The following LAD1 variants were observed in gnomAD, a reference collection of about 807,000 sequenced individuals.
LAD1 encodes the protein ladinin-1.
LAD1 carries 53 observed loss-of-function variants against 54.2 expected under a neutral mutation model. The observed-to-expected ratio is 0.98, with a 90% CI of 0.78 to 1.23. The LOEUF is 1.23. Ranked by LOEUF, LAD1 falls within the 50% of genes most tolerant of loss-of-function variation. LAD1 has a pLI of 0.00. For missense variants in LAD1, 637 were observed against 653.3 expected (o/e 0.98, Z 0.27); for synonymous variants, 231 against 257.7 (o/e 0.90, Z 0.99).
Position 201,381,755 on chromosome 1 carries a change from TG to T in LAD1, c.*132del. ...CAAATATTCCTGACCCCAGGGACCCTGGCCAAACAGATCCACAGGCAAAAAG... is the reference window on the plus strand; with the variant it reads ...CAAATATTCCTGACCCCAGGGACCCTGCCAAACAGATCCACAGGCAAAAAG... On this transcript the variant is annotated 3_prime_UTR_variant, in exon 10 of 10. Coordinates refer to ENST00000391967, the MANE Select transcript of LAD1 (RefSeq NM_005558.4). 1 of 1,034,510 alleles carries T rather than the reference TG, an allele frequency of 9.7e-7. No homozygotes were observed. Among genetic ancestry groups the T allele is most frequent in the Non-Finnish European group, 1.5e-6 (1 of 656,518 alleles). The allele number at this position is 1,034,510 out of a possible 1,614,324, so 64.1% of individuals were successfully genotyped here.
rs12088790 is a variant in LAD1, at chr1:201,386,633, A to G, written c.728T>C (p.Leu243Pro). 0.042 allele frequency: 67,828 copies of G among 1,614,078 alleles called. 4,935 individuals carry two copies. Among genetic ancestry groups the G allele is most frequent in the African/African-American group, 0.33 (24,771 of 74,952 alleles). The change falls in exon 3 of 10, where the codon CTG (leucine) becomes CCG (proline). Residue 243 changes from leucine to proline, a missense_variant. Transcript: ENST00000391967. ...TGAGCCCAGTGCCATCCCTGGGGCC[A>G]GCGACTTCTCAGAGACACTGGTTTT... The part of the protein sequence containing the change: ...LEKTSVSEKS[L>P]APGMALGSGR...
chr1:201,384,942 C>A lies in LAD1; in HGVS notation c.1132-107G>T, dbSNP rs903684812. On this transcript the variant is annotated intron_variant, in intron 4 of 9. Coordinates refer to ENST00000391967, the MANE Select transcript of LAD1 (RefSeq NM_005558.4). ...AGACATGTCCTCCTCCTCTTCAGAC[C>A]TCCCACCCCTTCTACCAGGGGTCAA... 1.8e-5 allele frequency: 18 copies of A among 1,001,214 alleles called. No individual in the cohort carries two copies. In the African/African-American group the frequency reaches 2.8e-4, roughly 15 times the overall value. The allele number at this position is 1,001,214 out of a possible 1,614,324, so 62.0% of individuals were successfully genotyped here.
chr1:201,394,886 C>T (rs1170155793), intron 1 of LAD1, among the ~76,000 whole-genome samples: 1 of 152,208 alleles, frequency 6.6e-6, no homozygotes, highest in African/African-American at 2.4e-5. Flanking sequence ...TCCAGGGTTC[C>T]TGGGTCTTGA....
intron 1 of LAD1, among the ~76,000 whole-genome samples, chr1:201,390,268 G>C (rs542869884): frequency 6.6e-6 from 1 of 151,544 alleles, no homozygotes; most frequent in East Asian, 2.0e-4. Flanking sequence ...ATTTTAGGCC[G>C]GGCGCGGTGG....
rs1661965404 is a variant in LAD1 at position 201,381,768 on chromosome 1, C to T, written c.*120G>A. 8.6e-7 allele frequency: 1 copy of T among 1,162,204 alleles called. No homozygotes were observed. Among genetic ancestry groups the T allele is most frequent in the Non-Finnish European group, 1.3e-6 (1 of 769,592 alleles). 72.0% of individuals were successfully genotyped at this position (1,162,204 alleles called of 1,614,324 possible). A position where few individuals can be genotyped will look rare whatever the true frequency, so the allele number is the denominator to read the frequency against. ...CCCCAGGGACCCTGGCCAAACAGATCCACAGGCAAAAAGGGAACAGGGACA... is the reference window on the plus strand; with the variant it reads ...CCCCAGGGACCCTGGCCAAACAGATTCACAGGCAAAAAGGGAACAGGGACA... On this transcript the variant is annotated 3_prime_UTR_variant, in exon 10 of 10. Transcript: ENST00000391967.
intron 1 of LAD1, among the ~76,000 whole-genome samples, chr1:201,396,748 G>C (rs1262489334): frequency 6.6e-6 from 1 of 152,164 alleles, no homozygotes; most frequent in Non-Finnish European, 1.5e-5. Context: ...TCCTGCACCT[G>C]AGCAGGGCAG....
intron 1 of LAD1, 86 bp from the exon 2 acceptor site, chr1:201,389,389 C>A (rs1052956757): frequency 4.0e-6 from 6 of 1,494,448 alleles, no homozygotes; most frequent in Non-Finnish European, 5.4e-6. Context: ...GGAGAAGAGA[C>A]CAAATGCCCT....
At chr1:201,396,382 C>T (rs939341366) in intron 1 of LAD1, among the ~76,000 whole-genome samples, 37 of 152,066 alleles carry the variant, frequency 2.4e-4, no homozygotes, top group Non-Finnish European at 2.4e-4. Context: ...GACATTCTGC[C>T]GTTACTCACT....
At chr1:201,384,984 T>G in intron 4 of LAD1, 149 bp from the exon 5 acceptor site, 1 of 703,546 alleles carries the variant, frequency 1.4e-6, no homozygotes, top group Non-Finnish European at 2.4e-6. Flanking sequence ...CAAAGAAATA[T>G]GTGGACAAGC....
At chr1:201,392,032 T>C (rs977664577) in intron 1 of LAD1, among the ~76,000 whole-genome samples, 1 of 152,268 alleles carries the variant, frequency 6.6e-6, no homozygotes, top group Non-Finnish European at 1.5e-5. Context: ...CAGCCTCTCC[T>C]GCTGCTCAGC....
Position 201,382,731 on chromosome 1 carries a change from C to A in LAD1, c.1395G>T (p.Leu465Phe). Residue 465 changes from leucine to phenylalanine, a missense_variant, in exon 8 of 10, where the codon TTG becomes TTT. By Grantham distance (22) the Leu-to-Phe change is conservative. Transcript: ENST00000391967. ...AEPASSRKEN[L>F]RLSGVVTSRL... Reference sequence around the variant, plus strand: ...TTGATGTCACAACCCCTGAGAGCCTCAAGTTCTCCTAAAAAGAGAACTTTC... The same window carrying A: ...TTGATGTCACAACCCCTGAGAGCCTAAAGTTCTCCTAAAAAGAGAACTTTC... 6.2e-7 allele frequency: 1 copy of A among 1,601,312 alleles called. No homozygotes were observed. Among genetic ancestry groups the A allele is most frequent in the Non-Finnish European group, 8.5e-7 (1 of 1,173,812 alleles).
chr1:201,383,467 C>G (rs1662010436), intron 5 of LAD1, 78 bp from the exon 6 acceptor site: 3 of 1,291,642 alleles, frequency 2.3e-6, no homozygotes, highest in Non-Finnish European at 3.4e-6. Flanking sequence ...GCCTGAGGAG[C>G]AGCCCCATCA....
intron 1 of LAD1, among the ~76,000 whole-genome samples, chr1:201,397,544 C>G (rs1265199991): frequency 6.6e-6 from 1 of 152,148 alleles, no homozygotes; most frequent in African/African-American, 2.4e-5. Context: ...GCCCCAGCTG[C>G]CTCCCCACAC....
chr1:201,390,724 G>T (rs193111803), intron 1 of LAD1, among the ~76,000 whole-genome samples: 1 of 152,126 alleles, frequency 6.6e-6, no homozygotes, highest in South Asian at 2.1e-4. Flanking sequence ...TCTACCTGCT[G>T]GGTGCCAGTA....
chr1:201,381,592 C>T lies in LAD1; in HGVS notation c.*296G>A. The T allele has an allele frequency of 2.0e-6, 1 of 512,342 alleles. No individual in the cohort carries two copies. The allele number at this position is 512,342 out of a possible 1,614,324, so 31.7% of individuals were successfully genotyped here. ...AAGGAGCAGAGGTCTCTGGGCAGGA[C>T]ATAGGCCCCATAGTGCTGATGTGCA... On this transcript the variant is annotated 3_prime_UTR_variant, in exon 10 of 10. Transcript: ENST00000391967.
In LAD1 at chr1:201,386,632, C is replaced by T. The variant is rs1662094522; in HGVS notation, c.729G>A (p.Leu243=). The change falls in exon 3 of 10, where the codon CTG becomes CTA. Residue 243 remains leucine, a synonymous_variant. Transcript: ENST00000391967. ...LEKTSVSEKS[L]APGMALGSGR... is the part of the protein sequence containing the mutation. ...CTGAGCCCAGTGCCATCCCTGGGGC[C>T]AGCGACTTCTCAGAGACACTGGTTT... The T allele has an allele frequency of 3.1e-6, 5 of 1,614,188 alleles. No individual in the cohort carries two copies. Among genetic ancestry groups the T allele is most frequent in the Non-Finnish European group, 4.2e-6 (5 of 1,180,028 alleles).
At chr1:201,384,024 G>C (rs905472789) in intron 5 of LAD1, among the ~76,000 whole-genome samples, 1 of 152,244 alleles carries the variant, frequency 6.6e-6, no homozygotes, top group African/African-American at 2.4e-5. Context: ...AGGCTGAGCA[G>C]GTGCAGCTAC....
At chr1:201,382,874 C>G (rs772139910) in intron 7 of LAD1, 135 bp from the exon 8 acceptor site, 3 of 959,220 alleles carry the variant, frequency 3.1e-6, no homozygotes, top group Middle Eastern at 3.2e-4. Flanking sequence ...CCTGGGACAG[C>G]CCCCTCCCCT....
rs756925471 is a variant in LAD1 at position 201,385,722 on chromosome 1, G to C, written c.1110C>G (p.Ser370Arg). 1 of 1,613,970 alleles carries C rather than the reference G, an allele frequency of 6.2e-7. No individual in the cohort carries two copies. Among genetic ancestry groups the C allele is most frequent in the Non-Finnish European group, 8.5e-7 (1 of 1,179,820 alleles). Residue 370 changes from serine (S) to arginine (R), a missense_variant, in exon 4 of 10, where the codon AGC becomes AGG. Physicochemically the swap from Ser to Arg is moderately radical, Grantham distance 110. Transcript: ENST00000391967. ...RTYSSSLKRS[S>R]PRTISFRMKP... ...TCACCCGAAAGGAGATGGTCCTGGG[G>C]CTGGAGCGTTTGAGGGAGCTGCTGT...
Sources: gnomAD v4.1 joint callset for allele counts (sites outside exome capture counted in the v4.1 genomes callset) on GRCh38, gnomAD v4.1.1 for gene constraint, MANE v1.5 for transcripts, NCBI Gene and HGNC (gene_info 2026-07-23, HGNC 2026-07-21) for gene names.